The following AGBL4 variants were observed in gnomAD, a reference collection of about 807,000 sequenced individuals.
The protein encoded by AGBL4 is AGBL carboxypeptidase 4.
Under a neutral mutation model 66.4 loss-of-function variants are expected in AGBL4, and 58 were observed. The observed-to-expected ratio is 0.87, with a 90% confidence interval of 0.71 to 1.09. The LOEUF (loss-of-function observed/expected upper bound fraction) is 1.09, where lower values mean the gene tolerates loss of function less well. Ranked by LOEUF, AGBL4 falls within the 50% of genes least tolerant of loss-of-function variation. AGBL4 has a pLI of 0.00. For synonymous variants in AGBL4, 234 were observed against 222.9 expected (o/e 1.05, Z -0.44); for missense variants, 579 against 631.0 (o/e 0.92, Z 0.88).
At chr1:49,398,023 T>C (rs956850974) in intron 3 of AGBL4, among the ~76,000 whole-genome samples, 1 of 152,210 alleles carries the variant, frequency 6.6e-6, no homozygotes, top group Non-Finnish European at 1.5e-5. Flanking sequence ...TTGTTTGTCT[T>C]GGATACTTTT....
rs189903219 is a variant in AGBL4 at position 49,240,764 on chromosome 1, C to T, written c.377+5006G>A. On this transcript the variant is annotated intron_variant, in intron 4 of 13. Coordinates refer to ENST00000371839, the MANE Select transcript of AGBL4 (RefSeq NM_032785.4). ...CACCTTAATCCGTACTTCCATATTC[C>T]TCTCTTGAGTCTCTTACCAATATAC... is the stretch of plus-strand genomic sequence containing the variant. Among the ~76,000 whole-genome samples, 441 of 151,896 alleles carry T rather than the reference C, an allele frequency of 2.9e-3. 3 individuals are homozygous for T. The highest frequency in any genetic ancestry group is 0.024 in the South Asian group (115 of 4,812).
rs575289360 is a variant in AGBL4 at position 48,678,931 on chromosome 1, C to G, written c.635-15690G>C. On this transcript the variant is annotated intron_variant, in intron 6 of 13. Coordinates refer to ENST00000371839, the MANE Select transcript of AGBL4 (RefSeq NM_032785.4). Reference sequence around the variant, plus strand: ...CCTGCTACTGTTAAAGGGAAACTTTCTGTTTGAGAAAATTTGAACATGGGG... The same window carrying G: ...CCTGCTACTGTTAAAGGGAAACTTTGTGTTTGAGAAAATTTGAACATGGGG... 2.6e-5 allele frequency among the ~76,000 whole-genome samples: 4 copies of G among 152,364 alleles called. No individual in the cohort carries two copies. The South Asian group carries it at 8.3e-4, about 32-fold the overall frequency.
At chr1:49,541,219 G>A (rs777687083) in intron 3 of AGBL4, among the ~76,000 whole-genome samples, 3 of 152,108 alleles carry the variant, frequency 2.0e-5, no homozygotes, top group African/African-American at 4.8e-5. Context: ...CAGCCTCTGC[G>A]CCCACTCTGG....
intron 3 of AGBL4, among the ~76,000 whole-genome samples, chr1:49,478,980 A>T (rs1343737831): frequency 6.6e-6 from 1 of 152,072 alleles, no homozygotes; most frequent in Non-Finnish European, 1.5e-5. Context: ...ATCAAAAAAC[A>T]TAGGATACAT....
At chr1:48,857,513 A>G (rs942100129) in intron 6 of AGBL4, among the ~76,000 whole-genome samples, 9 of 152,080 alleles carry the variant, frequency 5.9e-5, no homozygotes, top group African/African-American at 1.9e-4. Flanking sequence ...CAAGGTCAGG[A>G]GATCGAGAAC....
chr1:48,925,945 T>C (rs1654520726), intron 5 of AGBL4, among the ~76,000 whole-genome samples: 1 of 152,092 alleles, frequency 6.6e-6, no homozygotes, highest in African/African-American at 2.4e-5. Flanking sequence ...CCATCCCCCA[T>C]TGAAGGAGGC....
chr1:49,655,831 T>G (rs1442884629), intron 3 of AGBL4, among the ~76,000 whole-genome samples: 4 of 151,916 alleles, frequency 2.6e-5, no homozygotes, highest in Admixed American at 6.6e-5. Flanking sequence ...AAAGAGAGAA[T>G]ATTCAAATAG....
intron 4 of AGBL4, among the ~76,000 whole-genome samples, chr1:49,189,550 TAA>T (rs1000500022): frequency 6.6e-6 from 1 of 152,182 alleles, no homozygotes; most frequent in Non-Finnish European, 1.5e-5. Flanking sequence ...GACTATTTTA[TAA>T]GTGAGAAAGC....
intron 5 of AGBL4, among the ~76,000 whole-genome samples, chr1:49,036,975 G>A (rs1291499105): frequency 2.6e-5 from 4 of 152,038 alleles, no homozygotes; most frequent in South Asian, 2.1e-4. Context: ...GATGGAGCAC[G>A]GCTGCTGAAG....
intron 1 of AGBL4, among the ~76,000 whole-genome samples, chr1:49,909,624 T>A (rs1650619455): frequency 6.6e-6 from 1 of 152,172 alleles, no homozygotes; most frequent in East Asian, 1.9e-4. Context: ...AGGATCAGTG[T>A]AAAAACTTAG....
chr1:49,318,899 A>T (rs1413997937), intron 3 of AGBL4, among the ~76,000 whole-genome samples: 1 of 152,124 alleles, frequency 6.6e-6, no homozygotes, highest in East Asian at 1.9e-4. Context: ...GAGTCTACCT[A>T]CTTTTTCCAT....
intron 4 of AGBL4, among the ~76,000 whole-genome samples, chr1:49,147,752 T>C (rs1646246692): frequency 6.6e-6 from 1 of 151,880 alleles, no homozygotes. Flanking sequence ...ATAAATGAAA[T>C]TATGAAAAAA....
intron 7 of AGBL4, among the ~76,000 whole-genome samples, chr1:48,659,723 C>T (rs1191883242): frequency 6.6e-6 from 1 of 152,196 alleles, no homozygotes; most frequent in African/African-American, 2.4e-5. Flanking sequence ...GAGGCCCACA[C>T]CTGGGTTTGG....
At chr1:48,899,114 C>G (rs566659716) in intron 5 of AGBL4, among the ~76,000 whole-genome samples, 1 of 152,334 alleles carries the variant, frequency 6.6e-6, no homozygotes, top group Non-Finnish European at 1.5e-5. Context: ...TCCGCACCGT[C>G]GTGAAGCCCC....
At chr1:49,589,994 A>T (rs1449367554) in intron 3 of AGBL4, among the ~76,000 whole-genome samples, 1 of 152,122 alleles carries the variant, frequency 6.6e-6, no homozygotes, top group Non-Finnish European at 1.5e-5. Context: ...GGACCTAAAT[A>T]CATAAAAGTA....
intron 3 of AGBL4, among the ~76,000 whole-genome samples, chr1:49,330,451 A>T (rs1288035027): frequency 6.6e-6 from 1 of 152,196 alleles, no homozygotes; most frequent in East Asian, 1.9e-4. Flanking sequence ...TTCTGAGAGA[A>T]AAAAAGAAAA....
intron 3 of AGBL4, among the ~76,000 whole-genome samples, chr1:49,505,414 G>C (rs1301951370): frequency 6.6e-6 from 1 of 151,652 alleles, no homozygotes; most frequent in Non-Finnish European, 1.5e-5. Flanking sequence ...TACAAGTCTG[G>C]TGACAGTGAA....
intron 4 of AGBL4, among the ~76,000 whole-genome samples, chr1:49,127,958 G>A (rs1423777323): frequency 6.6e-6 from 1 of 151,996 alleles, no homozygotes; most frequent in East Asian, 1.9e-4. Context: ...ATATCAAGAA[G>A]TAGGGAAATG....
chr1:48,552,891 G>A (rs752651285), intron 11 of AGBL4, among the ~76,000 whole-genome samples: 3 of 151,706 alleles, frequency 2.0e-5, no homozygotes, highest in African/African-American at 7.3e-5. Context: ...CTAGTAAGAC[G>A]GTTATCTAAT....
Sources: allele counts gnomAD v4.1 joint callset (sites outside exome capture counted in the v4.1 genomes callset), GRCh38; gene constraint gnomAD v4.1.1; transcripts MANE v1.5; gene names NCBI Gene and HGNC (gene_info 2026-07-23, HGNC 2026-07-21).